The following RERE variants were observed in gnomAD, a reference collection of about 807,000 sequenced individuals.
The protein encoded by RERE is arginine-glutamic acid dipeptide repeats protein.
Under a neutral mutation model 146.1 loss-of-function variants are expected in RERE, and 40 were observed. That is an observed-to-expected ratio of 0.27 (90% CI 0.21 to 0.36). The LOEUF is 0.36. Among genes scored for constraint, RERE ranks in the 10% least tolerant of loss-of-function variants. The pLI is 1.00. For synonymous variants in RERE, 1,003 were observed against 866.0 expected (o/e 1.16, Z -2.78); for missense variants, 1,933 against 2,138.7 (o/e 0.90, Z 1.90).
At chr1:8,681,295 T>C (rs925982079) in intron 1 of RERE, among the ~76,000 whole-genome samples, 1 of 152,196 alleles carries the variant, frequency 6.6e-6, no homozygotes. Context: ...TATAGGACTA[T>C]TCATATACTA....
chr1:8,522,384 T>A (rs1212543045), intron 7 of RERE, among the ~76,000 whole-genome samples: 1 of 152,194 alleles, frequency 6.6e-6, no homozygotes, highest in Non-Finnish European at 1.5e-5. Flanking sequence ...GGCAAATGCG[T>A]CTTTGGTATG....
chr1:8,567,105 A>G (rs1002037088), intron 4 of RERE, among the ~76,000 whole-genome samples: 1 of 152,094 alleles, frequency 6.6e-6, no homozygotes, highest in Non-Finnish European at 1.5e-5. Flanking sequence ...AGCATAATGA[A>G]TTTTTAAAGA....
At chr1:8,702,723 A>C (rs1639478710) in intron 1 of RERE, among the ~76,000 whole-genome samples, 1 of 152,190 alleles carries the variant, frequency 6.6e-6, no homozygotes, top group Non-Finnish European at 1.5e-5. Flanking sequence ...AGAAGAAAAA[A>C]ATAAAAATAT....
chr1:8,408,076 A>G (rs1020611728), intron 12 of RERE, among the ~76,000 whole-genome samples: 1 of 152,208 alleles, frequency 6.6e-6, no homozygotes, highest in African/African-American at 2.4e-5. Context: ...AAGAAATGCA[A>G]ACACAGAGGG....
chr1:8,531,051 ATCTATCTATCTATCTATCTAACTT>A (rs1645643679), intron 7 of RERE, among the ~76,000 whole-genome samples: 2 of 149,976 alleles, frequency 1.3e-5, no homozygotes, highest in African/African-American at 2.5e-5. Context: ...CTATCTATCT[ATCTATCTATCTATCTATCTAACTT>A]TCTATCTATC....
intron 1 of RERE, among the ~76,000 whole-genome samples, chr1:8,717,344 G>A (rs60137102): frequency 0.042 from 6,370 of 152,164 alleles, 436 homozygotes; most frequent in African/African-American, 0.15. Context: ...ACACAATAAC[G>A]CCTTGTCATC....
At chr1:8,709,409 C>T (rs1322507551) in intron 1 of RERE, among the ~76,000 whole-genome samples, 1 of 152,030 alleles carries the variant, frequency 6.6e-6, no homozygotes, top group Non-Finnish European at 1.5e-5. Context: ...TGAGCCACGG[C>T]ACCCAGCTCC....
intron 1 of RERE, among the ~76,000 whole-genome samples, chr1:8,683,471 TCA>T (rs1293855582): frequency 6.6e-6 from 1 of 152,040 alleles, no homozygotes; most frequent in Non-Finnish European, 1.5e-5. Context: ...AAAAACCTCT[TCA>T]GAGACACACA....
At chr1:8,601,937 A>T (rs1646636984) in intron 4 of RERE, among the ~76,000 whole-genome samples, 2 of 146,816 alleles carry the variant, frequency 1.4e-5, no homozygotes, top group Non-Finnish European at 3.1e-5. Flanking sequence ...TCGAAGAGAA[A>T]CTTCACTGTC....
At chr1:8,782,416 T>C (rs949018568) in intron 1 of RERE, among the ~76,000 whole-genome samples, 1 of 152,160 alleles carries the variant, frequency 6.6e-6, no homozygotes, top group African/African-American at 2.4e-5. Context: ...TTGAACTTTT[T>C]CTCTTCTCTT....
chr1:8,356,379 G>T lies in RERE; in HGVS notation c.4340-133C>A. The T allele has an allele frequency of 9.5e-7, 1 of 1,051,914 alleles. No homozygotes were observed. Among genetic ancestry groups the T allele is most frequent in the Non-Finnish European group, 1.3e-6 (1 of 784,992 alleles). 65.2% of individuals were successfully genotyped at this position (1,051,914 alleles called of 1,614,324 possible). A position where few individuals can be genotyped will look rare whatever the true frequency, so the allele number is the denominator to read the frequency against. On this transcript the variant is annotated intron_variant, in intron 20 of 22. Transcript: ENST00000400908. The surrounding 1 kb of genome is among the most constrained non-coding windows in gnomAD (Gnocchi z 5.2). ...GTCACCAGGGCTGGATGCACCACCT[G>T]GCTACAGGTGGCCCTGCCCCAAAGT...
intron 4 of RERE, among the ~76,000 whole-genome samples, chr1:8,580,281 A>G (rs1646347966): frequency 6.6e-6 from 1 of 152,192 alleles, no homozygotes; most frequent in South Asian, 2.1e-4. Context: ...TTCATGAATA[A>G]TAACTGAGGT....
intron 3 of RERE, among the ~76,000 whole-genome samples, chr1:8,616,758 T>C (rs931900055): frequency 5.9e-5 from 9 of 152,170 alleles, no homozygotes; most frequent in African/African-American, 2.2e-4. Flanking sequence ...AGTTAAACAC[T>C]AAAACTTAAA....
chr1:8,745,792 G>A (rs984998138), intron 1 of RERE, among the ~76,000 whole-genome samples: 1 of 152,048 alleles, frequency 6.6e-6, no homozygotes, highest in Non-Finnish European at 1.5e-5. Context: ...CTTACTGGTC[G>A]TGAACGGTGG....
intron 7 of RERE, among the ~76,000 whole-genome samples, chr1:8,533,780 G>C (rs1253336944): frequency 6.6e-6 from 1 of 152,212 alleles, no homozygotes; most frequent in East Asian, 1.9e-4. Flanking sequence ...GCAGTTAAAA[G>C]TTTTGTTATG....
intron 1 of RERE, among the ~76,000 whole-genome samples, chr1:8,666,138 G>A (rs1638568981): frequency 6.6e-6 from 1 of 152,160 alleles, no homozygotes; most frequent in Non-Finnish European, 1.5e-5. Flanking sequence ...AGTGAAAAAG[G>A]TGCTGCCAGG....
chr1:8,356,276 G>A lies in RERE; in HGVS notation c.4340-30C>T. On this transcript the variant is annotated intron_variant, in intron 20 of 22. Coordinates refer to ENST00000400908, the MANE Select transcript of RERE (RefSeq NM_001042681.2). This position sits in a 1 kb window ranked among gnomAD's most constrained non-coding sequence, Gnocchi z 5.2. The stretch of plus-strand genomic sequence containing the variant: ...GGAAAGGACAAAACGCCAGATGGAG[G>A]CGGTGTGCAGCTCTTCAATGTTTGT... 2 of 1,497,962 alleles carry A rather than the reference G, an allele frequency of 1.3e-6. No individual in the cohort carries two copies. The highest frequency in any genetic ancestry group is 1.5e-5 in the African/African-American group (1 of 67,648). The allele number at this position is 1,497,962 out of a possible 1,614,324, so 92.8% of individuals were successfully genotyped here. A position where few individuals can be genotyped will look rare whatever the true frequency, so the allele number is the denominator to read the frequency against.
At chr1:8,803,477 AAAT>A (rs1437424983) in intron 1 of RERE, among the ~76,000 whole-genome samples, 1 of 152,096 alleles carries the variant, frequency 6.6e-6, no homozygotes, top group Non-Finnish European at 1.5e-5. Flanking sequence ...TCAAAAATAA[AAAT>A]AAAAAAAAAG....
chr1:8,755,169 C>T (rs1225234507), intron 1 of RERE, among the ~76,000 whole-genome samples: 1 of 152,208 alleles, frequency 6.6e-6, no homozygotes, highest in East Asian at 1.9e-4. Context: ...TAAAAGGCGG[C>T]TGACTGTCTT....
Sources: gnomAD v4.1 joint callset for allele counts (sites outside exome capture counted in the v4.1 genomes callset) on GRCh38, gnomAD v4.1.1 for gene constraint, Gnocchi (gnomAD v3.1) non-coding constraint, MANE v1.5 for transcripts, NCBI Gene and HGNC (gene_info 2026-07-23, HGNC 2026-07-21) for gene names.